The following CA8 variants were observed in gnomAD, a reference collection of about 807,000 sequenced individuals.
CA8 encodes the protein carbonic anhydrase-related protein.
A neutral mutation model predicts 41.4 loss-of-function variants in CA8; 22 were observed. That is an observed-to-expected ratio of 0.53 (90% CI 0.38 to 0.76). The LOEUF is 0.76. Ranked by LOEUF, CA8 falls within the 30% of genes least tolerant of loss-of-function variation. The pLI is 0.00. For synonymous variants in CA8, 121 were observed against 130.6 expected, an observed-to-expected ratio of 0.93 and a Z score of 0.50; for missense variants, 270 against 352.8, an observed-to-expected ratio of 0.77 and a Z score of 1.88.
intron 2 of CA8, among the ~76,000 whole-genome samples, chr8:60,266,795 T>G (rs77206088): frequency 0.032 from 4,875 of 152,314 alleles, 181 homozygotes; most frequent in African/African-American, 0.088. Context: ...AATTATTTAG[T>G]TAAAAACTCC....
At chr8:60,251,666 C>T (rs527596824) in intron 3 of CA8, among the ~76,000 whole-genome samples, 1 of 152,322 alleles carries the variant, frequency 6.6e-6, no homozygotes, top group Admixed American at 6.5e-5. Flanking sequence ...CTATCTTTGT[C>T]CATACCCCAA....
intron 8 of CA8, among the ~76,000 whole-genome samples, chr8:60,199,253 T>C (rs1806359206): frequency 6.6e-6 from 1 of 152,172 alleles, no homozygotes; most frequent in Non-Finnish European, 1.5e-5. Flanking sequence ...GAGTAAATGC[T>C]GAAGGAGATA....
At chr8:60,231,695 GAGTTA>G (rs1484925914) in intron 4 of CA8, among the ~76,000 whole-genome samples, 3 of 152,138 alleles carry the variant, frequency 2.0e-5, no homozygotes, top group African/African-American at 7.2e-5. Flanking sequence ...CTTAAAAACT[GAGTTA>G]AGTTTTTACC....
At chr8:60,279,999 A>C in intron 1 of CA8, 119 bp from the exon 2 acceptor site, 1 of 723,612 alleles carries the variant, frequency 1.4e-6, no homozygotes, top group Non-Finnish European at 2.2e-6. Flanking sequence ...TGATACCATC[A>C]CTATACAGAT....
chr8:60,262,122 A>G (rs1285061186), intron 3 of CA8, among the ~76,000 whole-genome samples: 1 of 152,194 alleles, frequency 6.6e-6, no homozygotes. Context: ...TAATTTACCA[A>G]AAATTACACA....
intron 4 of CA8, among the ~76,000 whole-genome samples, chr8:60,228,424 T>C (rs529781857): frequency 1.3e-5 from 2 of 152,358 alleles, no homozygotes; most frequent in East Asian, 3.9e-4. Context: ...GGCCTACGTC[T>C]GCACTTGGGG....
chr8:60,250,888 C>T (rs571223400), intron 3 of CA8, among the ~76,000 whole-genome samples: 28 of 152,218 alleles, frequency 1.8e-4, no homozygotes, highest in African/African-American at 6.3e-4. Flanking sequence ...TTCTTTGTCC[C>T]CAACCTACCA....
intron 4 of CA8, among the ~76,000 whole-genome samples, chr8:60,230,557 CG>C (rs1480983894): frequency 1.3e-5 from 2 of 151,980 alleles, no homozygotes; most frequent in African/African-American, 4.8e-5. Context: ...CCGACCCCCC[CG>C]ATGGATTTCA....
In CA8 at chr8:60,189,229, A is replaced by G. The variant is rs1806045752; in HGVS notation, c.*792T>C. ...AGTAATATAGGATACCACTAAATTT[A>G]TATTTCTATGTATGGAAAGTAAAGC... On this transcript the variant is annotated 3_prime_UTR_variant, in exon 9 of 9. Coordinates refer to ENST00000317995, the MANE Select transcript of CA8 (RefSeq NM_004056.6). 6.6e-6 allele frequency: 1 copy of G among 152,176 alleles called. No individual in the cohort carries two copies. The highest frequency in any genetic ancestry group is 6.6e-5 in the Admixed American group (1 of 15,266). The allele number at this position is 152,176 out of a possible 1,614,324, so 9.4% of individuals were successfully genotyped here.
At chr8:60,242,531 A>G (rs145760554) in intron 3 of CA8, among the ~76,000 whole-genome samples, 1 of 152,330 alleles carries the variant, frequency 6.6e-6, no homozygotes, top group African/African-American at 2.4e-5. Flanking sequence ...CAAAGCACGG[A>G]GGAATGGCAA....
Position 60,265,638 on chromosome 8 carries a change from T to C in CA8, c.417+287A>G, listed in dbSNP as rs1803877613. 12 of 386,690 alleles carry C rather than the reference T, an allele frequency of 3.1e-5. No individual in the cohort carries two copies. The South Asian group carries it at 3.1e-4, about 10-fold the overall frequency. 24.0% of individuals were successfully genotyped at this position (386,690 alleles called of 1,614,324 possible). A position where few individuals can be genotyped will look rare whatever the true frequency, so the allele number is the denominator to read the frequency against. ...CATCCACAAAAATGACCTACTGAATTTGCAGAGGCAGAATTTTTACAAGAA... is the reference window on the plus strand; with the variant it reads ...CATCCACAAAAATGACCTACTGAATCTGCAGAGGCAGAATTTTTACAAGAA... On this transcript the variant is annotated intron_variant, in intron 3 of 8. Transcript: ENST00000317995.
At chr8:60,238,829 A>G (rs1278987849) in intron 3 of CA8, among the ~76,000 whole-genome samples, 2 of 152,142 alleles carry the variant, frequency 1.3e-5, no homozygotes, top group African/African-American at 4.8e-5. Flanking sequence ...CATTCTGCTT[A>G]TGCCCACTCA....
In CA8 at chr8:60,190,925, G is replaced by GCACA. The variant is rs143434754; in HGVS notation, c.*36-944_*36-941dup. Among the ~76,000 whole-genome samples, 17 of 88,914 alleles carry GCACA rather than the reference G, an allele frequency of 1.9e-4. 1 individual carries two copies. Among genetic ancestry groups the GCACA allele is most frequent in the African/African-American group, 6.5e-4 (15 of 23,022 alleles). The allele number at this position is 88,914 out of a possible 152,430, so 58.3% of individuals were successfully genotyped here. On this transcript the variant is annotated intron_variant, in intron 8 of 8. Coordinates refer to ENST00000317995, the MANE Select transcript of CA8 (RefSeq NM_004056.6). The stretch of plus-strand genomic sequence containing the variant: ...TATATATGTATCTGTGGACACACCT[G>GCACA]CACACACACACACTATATATATATA...
chr8:60,210,971 G>A (rs920030513), intron 7 of CA8, among the ~76,000 whole-genome samples: 25 of 152,144 alleles, frequency 1.6e-4, no homozygotes, highest in Admixed American at 6.5e-5. Flanking sequence ...GAGTGAAAAG[G>A]AACCTGGTCA....
chr8:60,209,286 G>C (rs7826359), intron 7 of CA8, among the ~76,000 whole-genome samples: 55,669 of 151,994 alleles, frequency 0.37, 10,651 homozygotes, highest in Admixed American at 0.44. Flanking sequence ...GAGTTCAACA[G>C]CAGCCTGATC....
At chr8:60,226,074 T>C (rs1193689533) in intron 5 of CA8, among the ~76,000 whole-genome samples, 1 of 152,234 alleles carries the variant, frequency 6.6e-6, no homozygotes, top group Non-Finnish European at 1.5e-5. Context: ...TTACCACATA[T>C]GTGTACTTGT....
chr8:60,260,628 A>C (rs1165744534), intron 3 of CA8, among the ~76,000 whole-genome samples: 1 of 152,238 alleles, frequency 6.6e-6, no homozygotes, highest in Non-Finnish European at 1.5e-5. Context: ...ATGGTTTCCT[A>C]TAAATGATCC....
At chr8:60,209,066 C>A (rs1218093536) in intron 7 of CA8, 147 bp from the exon 8 acceptor site, 10 of 905,014 alleles carry the variant, frequency 1.1e-5, no homozygotes, top group East Asian at 2.6e-5. Context: ...AGAAAAAAAA[C>A]AGACTTAATT....
intron 3 of CA8, among the ~76,000 whole-genome samples, chr8:60,252,408 T>C (rs1808487001): frequency 6.6e-6 from 1 of 152,322 alleles, no homozygotes; most frequent in South Asian, 2.1e-4. Context: ...TAAATGGGGA[T>C]AGAAATTCCA....
Sources: allele counts gnomAD v4.1 joint callset (sites outside exome capture counted in the v4.1 genomes callset), GRCh38; gene constraint gnomAD v4.1.1; transcripts MANE v1.5; gene names NCBI Gene and HGNC (gene_info 2026-07-23, HGNC 2026-07-21).